The following CDC20B variants were observed in gnomAD, a reference collection of about 807,000 sequenced individuals.
CDC20B encodes the protein cell division cycle 20B, also known as cell division cycle protein 20 homolog B.
Under a neutral mutation model 64.1 loss-of-function variants are expected in CDC20B, and 58 were observed. That is an observed-to-expected ratio of 0.90 (90% CI 0.73 to 1.13). The LOEUF (loss-of-function observed/expected upper bound fraction) is 1.13. CDC20B is among the 50% of genes most tolerant of loss of function. CDC20B has a pLI of 0.00. For synonymous variants in CDC20B, 243 were observed against 230.6 expected, an observed-to-expected ratio of 1.05 and a Z score of -0.49; for missense variants, 597 against 633.0, an observed-to-expected ratio of 0.94 and a Z score of 0.61.
chr5:55,146,806 C>A lies in CDC20B; in HGVS notation c.177G>T (p.Ala59=). Residue 59 remains alanine (A), a synonymous_variant, in exon 3 of 12, where the codon GCG becomes GCT. Coordinates refer to ENST00000381375, the MANE Select transcript of CDC20B (RefSeq NM_001170402.1). ...CAGGAACCTCTGCGGACAGCCTCTT[C>A]GCAAAGTTGCTCTTAAAGTCAGAAT... ...ATYSDFKSNF[A]KRLSAEVPVA... is the part of the protein sequence containing the mutation. The A allele has an allele frequency of 6.2e-7, 1 of 1,614,080 alleles. No individual in the cohort carries two copies. The highest frequency in any genetic ancestry group is 8.5e-7 in the Non-Finnish European group (1 of 1,180,006).
intron 3 of CDC20B, among the ~76,000 whole-genome samples, chr5:55,144,608 A>T (rs1743421347): frequency 6.6e-6 from 1 of 152,238 alleles, no homozygotes; most frequent in South Asian, 2.1e-4. Flanking sequence ...AATGCTGGTC[A>T]AAGTTTTAGA....
At chr5:55,153,827 T>C (rs1458924987) in intron 2 of CDC20B, among the ~76,000 whole-genome samples, 2 of 152,232 alleles carry the variant, frequency 1.3e-5, no homozygotes, top group Non-Finnish European at 2.9e-5. Context: ...ATTTAGATTT[T>C]TTTTCTTCAT....
intron 11 of CDC20B, among the ~76,000 whole-genome samples, chr5:55,115,923 G>C (rs1381340571): frequency 6.6e-6 from 1 of 152,078 alleles, no homozygotes; most frequent in African/African-American, 2.4e-5. Context: ...ACACGCACCA[G>C]TAAAGGATGC....
At chr5:55,124,723 A>C in intron 9 of CDC20B, 80 bp downstream of exon 9, 1 of 1,172,840 alleles carries the variant, frequency 8.5e-7, no homozygotes, top group Admixed American at 2.6e-5. Context: ...ATATTGGCTT[A>C]ATGATTTTCT....
intron 2 of CDC20B, among the ~76,000 whole-genome samples, chr5:55,163,764 T>C (rs1201660753): frequency 1.3e-5 from 2 of 150,766 alleles, no homozygotes; most frequent in Non-Finnish European, 2.9e-5. Flanking sequence ...CGCCTCAGCC[T>C]CCCAAAGTGC....
intron 4 of CDC20B, among the ~76,000 whole-genome samples, chr5:55,141,920 AT>A (rs1743340715): frequency 6.6e-6 from 1 of 152,150 alleles, no homozygotes; most frequent in Non-Finnish European, 1.5e-5. Flanking sequence ...GTCTTTAGAT[AT>A]TGCCAAATGC....
chr5:55,149,464 G>T (rs1320284459), intron 2 of CDC20B, among the ~76,000 whole-genome samples: 1 of 152,180 alleles, frequency 6.6e-6, no homozygotes, highest in Non-Finnish European at 1.5e-5. Context: ...CTCATCAACA[G>T]ATGAATGCAT....
chr5:55,161,128 A>C (rs1561303029), intron 2 of CDC20B: 1 of 1,614,236 alleles, frequency 6.2e-7, no homozygotes. Context: ...AGTTTGGAGA[A>C]TCGGAGCCCC....
intron 4 of CDC20B, 78 bp downstream of exon 4, chr5:55,143,435 A>G (rs1286233574): frequency 7.1e-7 from 1 of 1,410,706 alleles, no homozygotes; most frequent in African/African-American, 1.4e-5. Context: ...GAACTAAGCA[A>G]CTCTTCCCTT....
At position 55,119,910 on chromosome 5, in the gene CDC20B, G is replaced by A; in HGVS notation, c.1350C>T (p.Ser450=). ...CCTTTGTCTTAGGTAGCCAGATTAA[G>A]GAACAAATCTGTAATAATGATCAAA... ...QTPSTNSQIC[S]LIWLPKTKEI... Residue 450 remains serine (S), a synonymous_variant, in exon 11 of 12, where the codon TCC becomes TCT. Coordinates refer to ENST00000381375, the MANE Select transcript of CDC20B (RefSeq NM_001170402.1). 2 of 1,603,254 alleles carry A rather than the reference G, an allele frequency of 1.2e-6. No individual in the cohort carries two copies. Among genetic ancestry groups the A allele is most frequent in the South Asian group, 1.1e-5 (1 of 90,834 alleles).
intron 2 of CDC20B, chr5:55,160,973 AT>A: frequency 6.3e-7 from 1 of 1,583,994 alleles, no homozygotes; most frequent in Non-Finnish European, 8.6e-7. Flanking sequence ...TTCCGGTTGG[AT>A]TTTTTTCTTT....
chr5:55,163,838 C>A (rs1334813106), intron 2 of CDC20B, among the ~76,000 whole-genome samples: 1 of 149,172 alleles, frequency 6.7e-6, no homozygotes, highest in Non-Finnish European at 1.5e-5. Context: ...ACTAAGATCA[C>A]ATACTAGATG....
chr5:55,129,141 T>C (rs1742967112), intron 6 of CDC20B, among the ~76,000 whole-genome samples: 1 of 152,174 alleles, frequency 6.6e-6, no homozygotes. Flanking sequence ...TGTATGACCA[T>C]TTATTAAAAT....
intron 2 of CDC20B, among the ~76,000 whole-genome samples, chr5:55,168,108 A>G (rs1277559950): frequency 6.6e-6 from 1 of 151,994 alleles, no homozygotes; most frequent in East Asian, 1.9e-4. Context: ...ATCAAATAAA[A>G]TTCTAATAAT....
At chr5:55,128,260 TAAAA>T (rs372856760) in intron 7 of CDC20B, among the ~76,000 whole-genome samples, 157 bp downstream of exon 7, 4 of 109,574 alleles carry the variant, frequency 3.7e-5, no homozygotes, top group Admixed American at 9.4e-5. Context: ...AACCATTCAG[TAAAA>T]AAAAAAAAAA....
intron 11 of CDC20B, among the ~76,000 whole-genome samples, chr5:55,117,479 A>G (rs1742651361): frequency 6.6e-6 from 1 of 152,106 alleles, no homozygotes; most frequent in African/African-American, 2.4e-5. Flanking sequence ...ATACTATTCT[A>G]TTTCACTTTT....
At chr5:55,133,093 C>A (rs1188077556) in intron 6 of CDC20B, among the ~76,000 whole-genome samples, 2 of 152,116 alleles carry the variant, frequency 1.3e-5, no homozygotes, top group Non-Finnish European at 2.9e-5. Context: ...AACAAGTAGA[C>A]CCAATGCAGT....
chr5:55,143,792 A>T, intron 3 of CDC20B, 149 bp from the exon 4 acceptor site: 1 of 677,352 alleles, frequency 1.5e-6, no homozygotes, highest in South Asian at 2.7e-5. Context: ...AGAGCAGGAC[A>T]GAGTGAAAAA....
chr5:55,147,333 T>A (rs1743522441), intron 2 of CDC20B, among the ~76,000 whole-genome samples: 1 of 141,520 alleles, frequency 7.1e-6, no homozygotes, highest in Non-Finnish European at 1.5e-5. Context: ...AACATAAGTA[T>A]GTTGTTTTAT....
Sources: allele counts gnomAD v4.1 joint callset (sites outside exome capture counted in the v4.1 genomes callset), GRCh38; gene constraint gnomAD v4.1.1; transcripts MANE v1.5; gene names NCBI Gene and HGNC (gene_info 2026-07-23, HGNC 2026-07-21).